The following CMPK1 variants were observed in gnomAD, a reference collection of about 807,000 sequenced individuals.
The protein encoded by CMPK1 is UMP-CMP kinase.
A neutral mutation model predicts 25.7 loss-of-function variants in CMPK1; 10 were observed. The observed-to-expected ratio is 0.39, with a 90% CI of 0.24 to 0.66. CMPK1 has a LOEUF of 0.66. CMPK1 is among the 30% of genes least tolerant of loss of function. The pLI is 0.48. For missense variants in CMPK1, 199 were observed against 280.5 expected (o/e 0.71, Z 2.08); for synonymous variants, 106 against 101.5 (o/e 1.04, Z -0.27).
intron 1 of CMPK1, among the ~76,000 whole-genome samples, chr1:47,356,033 A>C (rs1646558773): frequency 6.6e-6 from 1 of 152,114 alleles, no homozygotes; most frequent in African/African-American, 2.4e-5. Context: ...TTTTATTATT[A>C]ATGTGGTCAA....
At chr1:47,342,649 CTTTTTTTTT>C (rs11334963) in intron 1 of CMPK1, among the ~76,000 whole-genome samples, 1 of 116,428 alleles carries the variant, frequency 8.6e-6, no homozygotes, top group African/African-American at 3.0e-5. Flanking sequence ...TCTCTTTTTT[CTTTTTTTTT>C]TTTTTTTTTG....
intron 1 of CMPK1, among the ~76,000 whole-genome samples, chr1:47,344,162 G>C (rs980141746): frequency 2.0e-5 from 3 of 151,940 alleles, no homozygotes; most frequent in African/African-American, 7.3e-5. Context: ...AGGATAGAAT[G>C]ATAAATCCTA....
chr1:47,358,014 C>G (rs1165478526), intron 1 of CMPK1, among the ~76,000 whole-genome samples: 1 of 150,704 alleles, frequency 6.6e-6, no homozygotes, highest in African/African-American at 2.4e-5. Flanking sequence ...GTAGTTAAGC[C>G]ACTGATTATT....
At chr1:47,361,932 G>A (rs371579549) in intron 1 of CMPK1, among the ~76,000 whole-genome samples, 62 of 147,150 alleles carry the variant, frequency 4.2e-4, no homozygotes, top group African/African-American at 1.5e-3. Context: ...GTGCAATGGC[G>A]CGATCTTGGC....
At chr1:47,356,643 A>G (rs1332940690) in intron 1 of CMPK1, among the ~76,000 whole-genome samples, 8 of 151,090 alleles carry the variant, frequency 5.3e-5, no homozygotes, top group Admixed American at 4.6e-4. Flanking sequence ...GAATTTTTCT[A>G]TCTAGTAATA....
Position 47,375,297 on chromosome 1 carries a change from A to C in CMPK1, c.645+4A>C. ...TGCTTCTAAATCTGTTGATGAAGTA[A>C]GTGTTCCTAGCCTGTCTTTAAAAAA... On this transcript the variant is annotated splice_donor_region_variant and intron_variant, in intron 5 of 5. Transcript: ENST00000371873. The C allele has an allele frequency of 6.5e-7, 1 of 1,541,236 alleles. No homozygotes were observed. The highest frequency in any genetic ancestry group is 8.9e-7 in the Non-Finnish European group (1 of 1,128,260).
chr1:47,372,596 C>T (rs939631412), intron 2 of CMPK1, among the ~76,000 whole-genome samples: 20 of 151,932 alleles, frequency 1.3e-4, no homozygotes, highest in Admixed American at 7.9e-4. Context: ...CTCTTATTGC[C>T]GCTCTTATTG....
intron 1 of CMPK1, among the ~76,000 whole-genome samples, chr1:47,361,446 C>T (rs1385673589): frequency 6.6e-6 from 1 of 152,118 alleles, no homozygotes; most frequent in East Asian, 1.9e-4. Flanking sequence ...CAAAGGCGAA[C>T]TATAGGACAC....
rs1257396397 is a variant in CMPK1 at position 47,378,692 on chromosome 1, G to T, written c.*1947G>T. ...TAGTTTTGTCATTCCATTTGTTAAA[G>T]ATACAGTCACCAAGAATGTTTTGAG... On this transcript the variant is annotated 3_prime_UTR_variant, in exon 6 of 6. Transcript: ENST00000371873. 1 of 152,090 alleles carries T rather than the reference G, an allele frequency of 6.6e-6. No individual in the cohort carries two copies. The highest frequency in any genetic ancestry group is 1.5e-5 in the Non-Finnish European group (1 of 68,016). The allele number at this position is 152,090 out of a possible 1,614,324, so 9.4% of individuals were successfully genotyped here.
Position 47,375,178 on chromosome 1 carries a change from A to G in CMPK1, c.549-19A>G, listed in dbSNP as rs1305157443. 1.9e-6 allele frequency: 3 copies of G among 1,571,398 alleles called. No homozygotes were observed. Among genetic ancestry groups the G allele is most frequent in the East Asian group, 2.2e-5 (1 of 44,654 alleles). ...AAGGATAGATACCTAGAACCTTGCA[A>G]TATTTACTTCTTTTGCAGAATTCAG... is the stretch of plus-strand genomic sequence containing the variant. On this transcript the variant is annotated intron_variant, in intron 4 of 5. Coordinates refer to ENST00000371873, the MANE Select transcript of CMPK1 (RefSeq NM_016308.3).
intron 5 of CMPK1, among the ~76,000 whole-genome samples, chr1:47,375,497 T>TA (rs34374399): frequency 0.43 from 64,213 of 149,516 alleles, 15,708 homozygotes; most frequent in South Asian, 0.55. Context: ...CTCTGTCTCT[T>TA]AAAAAAAAAA....
intron 1 of CMPK1, among the ~76,000 whole-genome samples, chr1:47,334,680 T>C (rs1334548336): frequency 1.3e-5 from 2 of 152,140 alleles, no homozygotes; most frequent in Non-Finnish European, 2.9e-5. Context: ...GCTGGCACTC[T>C]CGAGCCCCGT....
intron 1 of CMPK1, among the ~76,000 whole-genome samples, chr1:47,353,688 A>G (rs1162633870): frequency 6.6e-6 from 1 of 152,134 alleles, no homozygotes; most frequent in East Asian, 1.9e-4. Flanking sequence ...ATGTTAATAA[A>G]ACATTTAAAT....
chr1:47,352,709 A>G (rs1027427394), intron 1 of CMPK1, among the ~76,000 whole-genome samples: 1 of 152,178 alleles, frequency 6.6e-6, no homozygotes, highest in Admixed American at 6.6e-5. Flanking sequence ...AATTTTCCAT[A>G]AGATTACCAC....
In CMPK1 at chr1:47,377,922, G is replaced by A. The variant is rs1030383314; in HGVS notation, c.*1177G>A. On this transcript the variant is annotated 3_prime_UTR_variant, in exon 6 of 6. Transcript: ENST00000371873. The stretch of plus-strand genomic sequence containing the variant: ...CAATTCTTCCTTTAAAAATCTCTGA[G>A]GAATTTGTTTTCGCCTTACTTTTTT... 28 of 152,510 alleles carry A rather than the reference G, an allele frequency of 1.8e-4. No homozygotes were observed. Among genetic ancestry groups the A allele is most frequent in the African/African-American group, 6.8e-4 (28 of 41,414 alleles). The allele number at this position is 152,510 out of a possible 1,614,324, so 9.4% of individuals were successfully genotyped here.
At chr1:47,362,146 A>G (rs955536359) in intron 1 of CMPK1, among the ~76,000 whole-genome samples, 1 of 139,932 alleles carries the variant, frequency 7.1e-6, no homozygotes, top group African/African-American at 2.7e-5. Context: ...TTGGGATTAT[A>G]GGCGTGAGCC....
chr1:47,376,163 A>G (rs1407707931), intron 5 of CMPK1, among the ~76,000 whole-genome samples: 1 of 151,892 alleles, frequency 6.6e-6, no homozygotes, highest in Non-Finnish European at 1.5e-5. Flanking sequence ...ATAATTTTAT[A>G]TGTATTATTT....
chr1:47,356,358 G>T (rs1044082788), intron 1 of CMPK1, among the ~76,000 whole-genome samples: 14 of 151,886 alleles, frequency 9.2e-5, no homozygotes, highest in Admixed American at 2.0e-4. Context: ...GAGTTTCATT[G>T]TTCTATTTGT....
intron 1 of CMPK1, among the ~76,000 whole-genome samples, chr1:47,350,291 C>T (rs1430499908): frequency 1.3e-5 from 2 of 151,994 alleles, no homozygotes; most frequent in African/African-American, 2.4e-5. Context: ...GGCTGGAGTG[C>T]AGTGACATGA....
Sources: gnomAD v4.1 joint callset for allele counts (sites outside exome capture counted in the v4.1 genomes callset) on GRCh38, gnomAD v4.1.1 for gene constraint, MANE v1.5 for transcripts, NCBI Gene and HGNC (gene_info 2026-07-23, HGNC 2026-07-21) for gene names.